STRIP1: variants seen among roughly 807,000 people sequenced by gnomAD.
STRIP1 encodes striatin interacting protein 1.
STRIP1 carries 63 observed loss-of-function variants against 106.2 expected under a neutral mutation model. That is an observed-to-expected ratio of 0.59 (90% CI 0.48 to 0.73). The LOEUF (loss-of-function observed/expected upper bound fraction) is 0.73. Among genes scored for constraint, STRIP1 ranks in the 30% least tolerant of loss-of-function variants. The pLI is 0.00. For missense variants in STRIP1, 857 were observed against 1,074.8 expected, an observed-to-expected ratio of 0.80 and a Z score of 2.83; for synonymous variants, 390 against 413.0, an observed-to-expected ratio of 0.94 and a Z score of 0.67.
intron 8 of STRIP1, chr1:110,042,774 T>G (rs1013117237): frequency 8.0e-6 from 2 of 250,452 alleles, no homozygotes; most frequent in African/African-American, 4.4e-5. Context: ...CACCAACTTT[T>G]CTAGGAACTT....
chr1:110,054,066 C>A lies in STRIP1; in HGVS notation c.*154C>A. ...CAGTCTGTCCTGGGCTTGGGTGAGC[C>A]CAGCTTGACCTCCCCTTGGTTCCCA... On this transcript the variant is annotated 3_prime_UTR_variant, in exon 21 of 21. Coordinates refer to ENST00000369795, the MANE Select transcript of STRIP1 (RefSeq NM_033088.4). 1.2e-6 allele frequency: 1 copy of A among 842,972 alleles called. No individual in the cohort carries two copies. 52.2% of individuals were successfully genotyped at this position (842,972 alleles called of 1,614,324 possible). A position where few individuals can be genotyped will look rare whatever the true frequency, so the allele number is the denominator to read the frequency against.
rs1306060043 is a variant in STRIP1 at position 110,041,876 on chromosome 1, G to A, written c.885+15G>A. 1.2e-6 allele frequency: 2 copies of A among 1,613,616 alleles called. No individual in the cohort carries two copies. Among genetic ancestry groups the A allele is most frequent in the Admixed American group, 3.3e-5 (2 of 60,010 alleles). ...AGACAGTATTGGTGAGCACCTCCTT[G>A]GAGGAGGAGAACGGTGCTATGGGAT... On this transcript the variant is annotated intron_variant, in intron 8 of 20. Coordinates refer to ENST00000369795, the MANE Select transcript of STRIP1 (RefSeq NM_033088.4).
intron 19 of STRIP1, 86 bp from the exon 20 acceptor site, chr1:110,051,597 C>G: frequency 1.2e-5 from 16 of 1,362,258 alleles, no homozygotes; most frequent in Non-Finnish European, 1.6e-5. Flanking sequence ...ACAGTAACTT[C>G]CAAAGGGTTA....
Position 110,039,511 on chromosome 1 carries a change from A to G in STRIP1, c.577A>G (p.Ile193Val), listed in dbSNP as rs1175590986. The change falls in exon 5 of 21, where the codon ATA becomes GTA. Residue 193 changes from isoleucine (I) to valine (V), a missense_variant. Ile to Val is a conservative substitution (Grantham distance 29). Around this residue, in one of 2 missense-constraint regions of STRIP1, gnomAD observed 750 missense variants for 989.8 expected, o/e 0.76. Coordinates refer to ENST00000369795, the MANE Select transcript of STRIP1 (RefSeq NM_033088.4). Reference protein sequence around the residue: ...NALVELLNMEIDNSAACSSAV... With the variant: ...NALVELLNMEVDNSAACSSAV... ...TTTGGTGGAGCTTCTGAACATGGAA[A>G]TAGAGTGAGCATTTTTGAGAGGCTG... 1.9e-6 allele frequency: 3 copies of G among 1,600,624 alleles called. No individual in the cohort carries two copies. The highest frequency in any genetic ancestry group is 2.6e-6 in the Non-Finnish European group (3 of 1,173,580).
intron 15 of STRIP1, 63 bp from the exon 16 acceptor site, chr1:110,049,049 G>C (rs1169452499): frequency 1.2e-6 from 2 of 1,602,594 alleles, no homozygotes; most frequent in East Asian, 4.5e-5. Flanking sequence ...CATCTTTTCT[G>C]TGGGCACCTA....
chr1:110,049,071 C>T (rs1189278622), intron 15 of STRIP1, 41 bp from the exon 16 acceptor site: 4 of 1,613,106 alleles, frequency 2.5e-6, no homozygotes, highest in Non-Finnish European at 3.4e-6. Context: ...AAATGAGGTA[C>T]TGCGCATGCT....
intron 15 of STRIP1, 160 bp downstream of exon 15, chr1:110,048,029 A>T: frequency 1.6e-6 from 1 of 642,430 alleles, no homozygotes; most frequent in Non-Finnish European, 2.7e-6. Flanking sequence ...AAAGAGTTTC[A>T]CTGGTTGGGG....
At chr1:110,042,698 G>A (rs1557790898) in intron 8 of STRIP1, among the ~76,000 whole-genome samples, 1 of 152,202 alleles carries the variant, frequency 6.6e-6, no homozygotes, top group Non-Finnish European at 1.5e-5. Context: ...CTAAAGTTGA[G>A]CAACCAACAG....
intron 8 of STRIP1, 57 bp downstream of exon 8, chr1:110,041,918 G>GTTC (rs1427007150): frequency 2.6e-6 from 4 of 1,534,634 alleles, no homozygotes; most frequent in Non-Finnish European, 3.6e-6. Context: ...TAGGGAGACT[G>GTTC]TTCCTTGAAT....
intron 17 of STRIP1, 131 bp downstream of exon 17, chr1:110,049,691 T>TA: frequency 3.1e-6 from 2 of 643,676 alleles, no homozygotes; most frequent in Non-Finnish European, 5.4e-6. Context: ...GACATAAAGA[T>TA]AAATGAGACA....
chr1:110,034,051 C>T (rs1373147966), upstream of STRIP1, among the ~76,000 whole-genome samples: 1 of 152,220 alleles, frequency 6.6e-6, no homozygotes, highest in Non-Finnish European at 1.5e-5. Context: ...TCTGCCTTAC[C>T]ATCTTTAATT....
At chr1:110,038,371 C>T (rs1652597756) in intron 2 of STRIP1, 1 of 332,580 alleles carries the variant, frequency 3.0e-6, no homozygotes, top group Non-Finnish European at 5.6e-6. Context: ...CTCTACAATA[C>T]ACATCCTGCT....
chr1:110,054,051 T>G lies in STRIP1; in HGVS notation c.*139T>G. On this transcript the variant is annotated 3_prime_UTR_variant, in exon 21 of 21. Coordinates refer to ENST00000369795, the MANE Select transcript of STRIP1 (RefSeq NM_033088.4). ...CCACTGTGTCTTCCGCAGTCTGTCC[T>G]GGGCTTGGGTGAGCCCAGCTTGACC... is the stretch of plus-strand genomic sequence containing the variant. 9.2e-6 allele frequency: 10 copies of G among 1,091,632 alleles called. No individual in the cohort carries two copies. Among genetic ancestry groups the G allele is most frequent in the Non-Finnish European group, 1.3e-5 (10 of 763,076 alleles). 67.6% of individuals were successfully genotyped at this position (1,091,632 alleles called of 1,614,324 possible). A position where few individuals can be genotyped will look rare whatever the true frequency, so the allele number is the denominator to read the frequency against.
upstream of STRIP1, among the ~76,000 whole-genome samples, chr1:110,034,078 T>G (rs1652312872): frequency 6.6e-6 from 1 of 152,226 alleles, no homozygotes; most frequent in Admixed American, 6.5e-5. Flanking sequence ...ATGAACAAAT[T>G]TTCCTTTAAC....
At chr1:110,036,117 G>C (rs1652441032) in intron 1 of STRIP1, among the ~76,000 whole-genome samples, 1 of 152,202 alleles carries the variant, frequency 6.6e-6, no homozygotes, top group Non-Finnish European at 1.5e-5. Context: ...TGGTCAAATA[G>C]ATACCCTCTG....
intron 1 of STRIP1, among the ~76,000 whole-genome samples, chr1:110,037,350 G>A (rs1570912731): frequency 6.6e-6 from 1 of 152,314 alleles, no homozygotes; most frequent in Non-Finnish European, 1.5e-5. Flanking sequence ...GATCTGTTTG[G>A]CGGCTGCCTT....
chr1:110,032,402 C>A (rs955749565), upstream of STRIP1, among the ~76,000 whole-genome samples: 3 of 152,156 alleles, frequency 2.0e-5, no homozygotes, highest in African/African-American at 7.2e-5. Flanking sequence ...ACTTTCTGGA[C>A]TTGAGCCTGG....
chr1:110,039,662 G>A (rs970226256), intron 5 of STRIP1, 147 bp downstream of exon 5: 21 of 1,086,044 alleles, frequency 1.9e-5, no homozygotes, highest in African/African-American at 6.3e-5. Context: ...GTTGAATAAC[G>A]GAGTTGGTCA....
chr1:110,044,805 C>G (rs764558173), intron 10 of STRIP1, 35 bp from the exon 11 acceptor site: 1 of 1,609,888 alleles, frequency 6.2e-7, no homozygotes, highest in Non-Finnish European at 8.5e-7. Context: ...TGCTAAAAAC[C>G]TTTTTTCTTT....
Sources: gnomAD v4.1 joint callset for allele counts (sites outside exome capture counted in the v4.1 genomes callset) on GRCh38, gnomAD v4.1.1 for gene constraint, gnomAD v4.1.1 regional missense constraint, MANE v1.5 for transcripts, NCBI Gene and HGNC (gene_info 2026-07-23, HGNC 2026-07-21) for gene names.